The following PSMA1 variants were observed in gnomAD, a reference collection of about 807,000 sequenced individuals.
PSMA1 encodes proteasome subunit alpha type-1.
PSMA1 carries 3 observed loss-of-function variants against 38.4 expected under a neutral mutation model. That is an observed-to-expected ratio of 0.08 (90% CI 0.04 to 0.20). The LOEUF is 0.20. Among genes scored for constraint, PSMA1 ranks in the 10% least tolerant of loss-of-function variants. The pLI is 1.00. For synonymous variants in PSMA1, 101 were observed against 107.1 expected (o/e 0.94, Z 0.35); for missense variants, 227 against 325.3 (o/e 0.70, Z 2.32).
intron 2 of PSMA1, among the ~76,000 whole-genome samples, chr11:14,536,607 A>T (rs544872335): frequency 3.4e-4 from 51 of 150,962 alleles, no homozygotes; most frequent in Middle Eastern, 3.4e-3. Flanking sequence ...CATTTAAAAA[A>T]ATTTTTTTTT....
chr11:14,549,526 C>A (rs780522841), intron 2 of PSMA1, among the ~76,000 whole-genome samples: 1 of 151,844 alleles, frequency 6.6e-6, no homozygotes, highest in South Asian at 2.1e-4. Flanking sequence ...ACGTTGAAAC[C>A]CTGTCTCTAC....
At position 14,520,334 on chromosome 11, in the gene PSMA1, A is replaced by G. The variant is rs1383651051; in HGVS notation, c.-35T>C. 5.6e-6 allele frequency: 9 copies of G among 1,614,244 alleles called. No homozygotes were observed. Among genetic ancestry groups the G allele is most frequent in the Non-Finnish European group, 7.6e-6 (9 of 1,180,030 alleles). The stretch of plus-strand genomic sequence containing the variant: ...GCGGGCCTGGTTGCGGCCTCCAGCA[A>G]AACTGAGAATCAAGGAGGTGCTGCC... On this transcript the variant is annotated 5_prime_UTR_variant, in exon 1 of 10. Transcript: ENST00000396394.
intron 1 of PSMA1, among the ~76,000 whole-genome samples, chr11:14,623,132 G>A (rs1260693997): frequency 1.3e-5 from 2 of 152,214 alleles, no homozygotes; most frequent in African/African-American, 4.8e-5. Context: ...TTGAGCCTGA[G>A]AAGGACAAAG....
At chr11:14,572,625 A>G (rs1389071118) in intron 2 of PSMA1, among the ~76,000 whole-genome samples, 1 of 152,234 alleles carries the variant, frequency 6.6e-6, no homozygotes, top group African/African-American at 2.4e-5. Context: ...AAGAGCAAAC[A>G]CATTCAAAAG....
intron 2 of PSMA1, among the ~76,000 whole-genome samples, chr11:14,542,892 G>C (rs1851788129): frequency 6.6e-6 from 1 of 152,136 alleles, no homozygotes; most frequent in Admixed American, 6.5e-5. Context: ...GTCTAGCTCT[G>C]TCTCCCAGGC....
intron 2 of PSMA1, among the ~76,000 whole-genome samples, chr11:14,587,439 T>G (rs547862304): frequency 6.6e-6 from 1 of 152,344 alleles, no homozygotes; most frequent in African/African-American, 2.4e-5. Flanking sequence ...CTCCTCCCAG[T>G]GTCACCCTTG....
intron 4 of PSMA1, among the ~76,000 whole-genome samples, chr11:14,516,661 C>G (rs1198369217): frequency 6.6e-6 from 1 of 152,146 alleles, no homozygotes; most frequent in Non-Finnish European, 1.5e-5. Flanking sequence ...TGCAGTGGCT[C>G]ACACCTATAA....
At chr11:14,579,063 C>T (rs1852252188) in intron 2 of PSMA1, among the ~76,000 whole-genome samples, 1 of 152,206 alleles carries the variant, frequency 6.6e-6, no homozygotes, top group South Asian at 2.1e-4. Flanking sequence ...TTATACAACA[C>T]TTTGGAAACT....
chr11:14,531,553 C>G (rs1851648127), intron 2 of PSMA1, among the ~76,000 whole-genome samples: 1 of 152,150 alleles, frequency 6.6e-6, no homozygotes, highest in Non-Finnish European at 1.5e-5. Context: ...GCCTCGACCT[C>G]CTGGGTTCAA....
intron 2 of PSMA1, among the ~76,000 whole-genome samples, chr11:14,551,328 G>A (rs909901719): frequency 3.3e-5 from 5 of 152,136 alleles, no homozygotes; most frequent in African/African-American, 9.7e-5. Context: ...ATGGCTTTCA[G>A]AGTTCAAATT....
intron 1 of PSMA1, among the ~76,000 whole-genome samples, chr11:14,640,329 C>A (rs1028987411): frequency 6.6e-6 from 1 of 152,088 alleles, no homozygotes; most frequent in Admixed American, 6.6e-5. Context: ...AGTGGGGGCA[C>A]CCTAGAAGAA....
At chr11:14,526,930 G>A (rs1851592407) in intron 2 of PSMA1, among the ~76,000 whole-genome samples, 1 of 152,094 alleles carries the variant, frequency 6.6e-6, no homozygotes, top group South Asian at 2.1e-4. Flanking sequence ...CTATCTCTCA[G>A]CAAGCCTAAC....
intron 1 of PSMA1, among the ~76,000 whole-genome samples, chr11:14,640,859 C>T (rs1306901771): frequency 1.3e-5 from 2 of 152,234 alleles, no homozygotes; most frequent in East Asian, 3.9e-4. Context: ...AATTTACTGC[C>T]TATTTCTGAG....
intron 2 of PSMA1, among the ~76,000 whole-genome samples, chr11:14,576,748 G>T (rs1186476366): frequency 6.6e-6 from 1 of 152,158 alleles, no homozygotes; most frequent in African/African-American, 2.4e-5. Flanking sequence ...GCTTAGGATT[G>T]TCTTGGCAAT....
chr11:14,507,356 C>T (rs535849537), intron 9 of PSMA1, among the ~76,000 whole-genome samples: 10 of 152,030 alleles, frequency 6.6e-5, no homozygotes, highest in East Asian at 3.9e-4. Context: ...TTAGTAGAGA[C>T]GGGGTTTCAC....
chr11:14,609,059 G>C (rs986675463), intron 2 of PSMA1, among the ~76,000 whole-genome samples: 11 of 152,140 alleles, frequency 7.2e-5, no homozygotes, highest in African/African-American at 1.7e-4. Flanking sequence ...GTTCCTTCAA[G>C]AACTCAGAAT....
chr11:14,617,298 G>T (rs188957282), intron 1 of PSMA1, among the ~76,000 whole-genome samples: 52 of 152,282 alleles, frequency 3.4e-4, no homozygotes, highest in Non-Finnish European at 6.9e-4. Flanking sequence ...CCCCAATGTA[G>T]CATCCCTATA....
At chr11:14,640,649 A>G (rs996117689) in intron 1 of PSMA1, among the ~76,000 whole-genome samples, 14 of 152,202 alleles carry the variant, frequency 9.2e-5, no homozygotes, top group African/African-American at 3.4e-4. Flanking sequence ...TATTGTTAAC[A>G]TACTTGGGCA....
At chr11:14,598,984 C>T (rs1275218766) in intron 2 of PSMA1, among the ~76,000 whole-genome samples, 2 of 152,052 alleles carry the variant, frequency 1.3e-5, no homozygotes, top group Non-Finnish European at 2.9e-5. Context: ...TCTTATTTCT[C>T]CTTCACTTAT....
Sources: gnomAD v4.1 joint callset for allele counts (sites outside exome capture counted in the v4.1 genomes callset) on GRCh38, gnomAD v4.1.1 for gene constraint, MANE v1.5 for transcripts, NCBI Gene and HGNC (gene_info 2026-07-23, HGNC 2026-07-21) for gene names.